The following NRXN1 variants were observed in gnomAD, a reference collection of about 807,000 sequenced individuals.
NRXN1 encodes neurexin 1.
Under a neutral mutation model 150.9 loss-of-function variants are expected in NRXN1, and 39 were observed. That is an observed-to-expected ratio of 0.26 (90% CI 0.20 to 0.34). The LOEUF (loss-of-function observed/expected upper bound fraction) is 0.34, where lower values mean the gene tolerates loss of function less well. NRXN1 is among the 10% of genes least tolerant of loss of function. The pLI is 1.00. For missense variants in NRXN1, 1,815 were observed against 1,949.9 expected, an observed-to-expected ratio of 0.93 and a Z score of 1.30; for synonymous variants, 924 against 757.0, an observed-to-expected ratio of 1.22 and a Z score of -3.62.
intron 1 of NRXN1, among the ~76,000 whole-genome samples, chr2:51,030,985 C>T (rs989144350): frequency 6.6e-6 from 1 of 151,934 alleles, no homozygotes; most frequent in Non-Finnish European, 1.5e-5. Flanking sequence ...TGCCCTCCTC[C>T]ACTAATGCAC....
chr2:50,196,119 C>T (rs1447637665), intron 18 of NRXN1, among the ~76,000 whole-genome samples: 1 of 151,906 alleles, frequency 6.6e-6, no homozygotes, highest in African/African-American at 2.4e-5. Flanking sequence ...TGATGGTCTC[C>T]CTACCCCTGA....
At chr2:50,101,536 G>A (rs767236426) in intron 18 of NRXN1, among the ~76,000 whole-genome samples, 1 of 151,942 alleles carries the variant, frequency 6.6e-6, no homozygotes, top group Non-Finnish European at 1.5e-5. Context: ...CAGACAAATA[G>A]ACAGAACATC....
At position 50,552,993 on chromosome 2, in the gene NRXN1, T is replaced by C. The variant is rs368788040; in HGVS notation, c.1353A>G (p.Glu451=). 28 of 1,611,984 alleles carry C rather than the reference T, an allele frequency of 1.7e-5. No individual in the cohort carries two copies. Among genetic ancestry groups the C allele is most frequent in the Non-Finnish European group, 2.1e-5 (25 of 1,178,858 alleles). ...CTCCTTGCTTGGCAAGTCGAGATAATTCCAGCCTCACATCATTATTTTTAT... is the reference window on the plus strand; with the variant it reads ...CTCCTTGCTTGGCAAGTCGAGATAACTCCAGCCTCACATCATTATTTTTAT... The part of the protein sequence containing the change: ...VVYKNNDVRL[E]LSRLAKQGDP... The change falls in exon 9 of 23, where the codon GAA becomes GAG. Residue 451 remains glutamate, a synonymous_variant. Coordinates refer to ENST00000401669, the MANE Select transcript of NRXN1 (RefSeq NM_001330078.2).
intron 5 of NRXN1, among the ~76,000 whole-genome samples, chr2:50,896,006 T>G (rs2103890060): frequency 6.6e-6 from 1 of 152,252 alleles, no homozygotes; most frequent in Admixed American, 6.5e-5. Context: ...TATCTCGAAA[T>G]TCTCTCAAGC....
rs573668834 is a variant in NRXN1, at chr2:50,168,199, A to G, written c.3546+68590T>C. 2.0e-5 allele frequency among the ~76,000 whole-genome samples: 3 copies of G among 152,296 alleles called. No individual in the cohort carries two copies. The East Asian group carries it at 5.8e-4, about 29-fold the overall frequency. ...ATGTTCATGATGGACTGAGAGAGAC[A>G]TGGCAAACATTACAAGCATGCATTG... On this transcript the variant is annotated intron_variant, in intron 18 of 22. Coordinates refer to ENST00000401669, the MANE Select transcript of NRXN1 (RefSeq NM_001330078.2).
chr2:50,837,786 T>C (rs971297543), intron 5 of NRXN1, among the ~76,000 whole-genome samples: 2 of 152,122 alleles, frequency 1.3e-5, no homozygotes, highest in African/African-American at 4.8e-5. Flanking sequence ...GAAATGTGCT[T>C]GACATTCATG....
intron 5 of NRXN1, among the ~76,000 whole-genome samples, chr2:50,855,007 T>C (rs995129010): frequency 3.9e-5 from 6 of 151,952 alleles, no homozygotes; most frequent in Admixed American, 6.6e-5. Flanking sequence ...ACCTGTGTTT[T>C]GAAAAATCTC....
At chr2:50,864,896 T>C (rs1451561574) in intron 5 of NRXN1, among the ~76,000 whole-genome samples, 1 of 151,986 alleles carries the variant, frequency 6.6e-6, no homozygotes, top group African/African-American at 2.4e-5. Context: ...ATTCAGCAAG[T>C]CCAGGGTGGG....
At chr2:50,408,655 ATGTGTGTG>A (rs1182611946) in intron 17 of NRXN1, among the ~76,000 whole-genome samples, 3 of 152,028 alleles carry the variant, frequency 2.0e-5, no homozygotes, top group Admixed American at 6.6e-5. Flanking sequence ...GATTGTGTGT[ATGTGTGTG>A]TGTATGTCTG....
At chr2:50,723,431 C>A (rs1696925145) in intron 5 of NRXN1, among the ~76,000 whole-genome samples, 1 of 152,124 alleles carries the variant, frequency 6.6e-6, no homozygotes, top group Non-Finnish European at 1.5e-5. Flanking sequence ...GCTACATTAC[C>A]CATGCATCTT....
At chr2:50,393,126 C>A (rs1175738823) in intron 17 of NRXN1, among the ~76,000 whole-genome samples, 1 of 150,218 alleles carries the variant, frequency 6.7e-6, no homozygotes, top group Non-Finnish European at 1.5e-5. Context: ...CAGATGTTAT[C>A]AATTTCTAGG....
intron 17 of NRXN1, among the ~76,000 whole-genome samples, chr2:50,416,006 A>G (rs1008517087): frequency 6.6e-6 from 1 of 151,890 alleles, no homozygotes; most frequent in Non-Finnish European, 1.5e-5. Context: ...TGTTCATTCA[A>G]AAAGAATTTG....
At chr2:50,478,737 T>G (rs573646057) in intron 15 of NRXN1, among the ~76,000 whole-genome samples, 10 of 152,330 alleles carry the variant, frequency 6.6e-5, no homozygotes, top group South Asian at 2.1e-4. Context: ...GTGAAATTAC[T>G]TTTTCTAAAC....
chr2:49,972,148 G>T (rs566746275), intron 21 of NRXN1, among the ~76,000 whole-genome samples: 1 of 152,292 alleles, frequency 6.6e-6, no homozygotes, highest in South Asian at 2.1e-4. Context: ...CTAGAATTTT[G>T]TAAGAGTCAT....
chr2:50,706,913 T>A (rs1218489897), intron 5 of NRXN1, among the ~76,000 whole-genome samples: 1 of 152,128 alleles, frequency 6.6e-6, no homozygotes, highest in Admixed American at 6.6e-5. Context: ...CCTTCTAGTT[T>A]TCCTTGTTTC....
chr2:50,444,780 T>C (rs2086258665), intron 17 of NRXN1, among the ~76,000 whole-genome samples: 2 of 152,204 alleles, frequency 1.3e-5, no homozygotes, highest in Admixed American at 1.3e-4. Context: ...TATCCTGAGC[T>C]GTACTGGAGC....
At chr2:50,620,252 C>T in intron 7 of NRXN1, 69 bp from the exon 8 acceptor site, 3 of 1,467,250 alleles carry the variant, frequency 2.0e-6, no homozygotes, top group South Asian at 1.3e-5. Context: ...TGGGATATGC[C>T]TGTTTTGTGT....
chr2:50,921,839 A>C (rs200909972), intron 5 of NRXN1, 30 bp downstream of exon 5: 61 of 1,154,224 alleles, frequency 5.3e-5, no homozygotes, highest in Non-Finnish European at 2.6e-5. Context: ...CATACAGATG[A>C]TATTAAGAAG....
chr2:50,725,644 C>G (rs963095958), intron 5 of NRXN1, among the ~76,000 whole-genome samples: 1 of 152,062 alleles, frequency 6.6e-6, no homozygotes, highest in South Asian at 2.1e-4. Flanking sequence ...ATAGAAAATG[C>G]CCTTCTTACA....
Sources: gnomAD v4.1 joint callset for allele counts (sites outside exome capture counted in the v4.1 genomes callset) on GRCh38, gnomAD v4.1.1 for gene constraint, MANE v1.5 for transcripts, NCBI Gene and HGNC (gene_info 2026-07-23, HGNC 2026-07-21) for gene names.